Variants in SVOPL observed in about 807,000 individuals in gnomAD.
SVOPL encodes the protein putative transporter SVOPL.
In SVOPL, 60 loss-of-function variants were observed where a neutral mutation model predicts 61.0. That is an observed-to-expected ratio of 0.98 (90% CI 0.80 to 1.22). The LOEUF is 1.22. Ranked by LOEUF, SVOPL falls within the 50% of genes most tolerant of loss-of-function variation. The pLI is 0.00. For missense variants in SVOPL, 662 were observed against 643.9 expected (o/e 1.03, Z -0.30); for synonymous variants, 279 against 250.0 (o/e 1.12, Z -1.09).
intron 14 of SVOPL, among the ~76,000 whole-genome samples, chr7:138,618,869 T>G (rs1799424060): frequency 6.6e-6 from 1 of 151,906 alleles, no homozygotes. Flanking sequence ...AACTGAGAAT[T>G]ACAAGGAGTT....
intron 3 of SVOPL, among the ~76,000 whole-genome samples, chr7:138,673,971 G>A (rs572962525): frequency 1.3e-5 from 2 of 152,126 alleles, no homozygotes; most frequent in South Asian, 4.2e-4. Context: ...GATCACTTGA[G>A]GTCAGGAGTT....
rs201897995 is a variant in SVOPL, at chr7:138,627,367, G to A, written c.1164C>T (p.Leu388=). The change falls in exon 12 of 16, where the codon CTC becomes CTT. Residue 388 remains leucine (L), a synonymous_variant. Coordinates refer to ENST00000674285, the MANE Select transcript of SVOPL (RefSeq NM_001139456.2). The part of the protein sequence containing the change: ...MGCTALFFLL[L]NICTSSAGLI... ...GAAAATACCTTGAAGTGCAAATGTT[G>A]AGGAGAAGGAAGAATAAAGCCGTGC... The A allele has an allele frequency of 2.5e-6, 4 of 1,613,120 alleles. No individual in the cohort carries two copies. In the East Asian group the frequency reaches 6.7e-5, roughly 27 times the overall value.
chr7:138,687,402 AT>A (rs1019858248), intron 1 of SVOPL, among the ~76,000 whole-genome samples: 1 of 151,024 alleles, frequency 6.6e-6, no homozygotes, highest in African/African-American at 2.4e-5. Flanking sequence ...TGCCCAGCAA[AT>A]TTTTTTATTT....
chr7:138,693,510 A>G (rs1300510787), intron 1 of SVOPL, among the ~76,000 whole-genome samples: 3 of 148,920 alleles, frequency 2.0e-5, no homozygotes, highest in Admixed American at 6.8e-5. Context: ...AGGGAAGGAA[A>G]GAAAGAAGAA....
intron 14 of SVOPL, among the ~76,000 whole-genome samples, chr7:138,617,781 A>G (rs1799366447): frequency 6.6e-6 from 1 of 152,108 alleles, no homozygotes; most frequent in Admixed American, 6.6e-5. Context: ...GGCTGTAGTG[A>G]GCCCTGATCA....
rs575471163 is a variant in SVOPL, at chr7:138,671,880, A to C, written c.273+139T>G. 1.1e-3 allele frequency: 785 copies of C among 691,026 alleles called. 16 individuals carry two copies. In the South Asian group the frequency reaches 0.014, roughly 12 times the overall value. 42.8% of individuals were successfully genotyped at this position (691,026 alleles called of 1,614,324 possible). A position where few individuals can be genotyped will look rare whatever the true frequency, so the allele number is the denominator to read the frequency against. On this transcript the variant is annotated intron_variant, in intron 4 of 15. Coordinates refer to ENST00000674285, the MANE Select transcript of SVOPL (RefSeq NM_001139456.2). ...AAAAGAAAAAGGTGACGAAGACATC[A>C]AATGCTGCAAACCCTTGAGTTTTGG...
At chr7:138,664,391 C>T (rs1368504815) in intron 4 of SVOPL, among the ~76,000 whole-genome samples, 2 of 149,790 alleles carry the variant, frequency 1.3e-5, no homozygotes, top group East Asian at 4.0e-4. Flanking sequence ...CTCCATCGGG[C>T]ACGCCTCTGA....
chr7:138,689,428 T>G, intron 1 of SVOPL: 1 of 1,244,208 alleles, frequency 8.0e-7, no homozygotes, highest in Non-Finnish European at 1.2e-6. Flanking sequence ...GAGATGATCC[T>G]TACTGAAAAG....
At chr7:138,636,047 C>T (rs888204430) in intron 9 of SVOPL, among the ~76,000 whole-genome samples, 11 of 151,866 alleles carry the variant, frequency 7.2e-5, no homozygotes, top group Non-Finnish European at 1.3e-4. Context: ...GCCTCCCAAG[C>T]AGCTGGGAGT....
At chr7:138,619,619 A>G (rs1002760299) in intron 14 of SVOPL, among the ~76,000 whole-genome samples, 1 of 149,202 alleles carries the variant, frequency 6.7e-6, no homozygotes, top group Non-Finnish European at 1.5e-5. Flanking sequence ...AAACATTCCC[A>G]AGATAGTTTT....
At chr7:138,689,463 G>T in intron 1 of SVOPL, 1 of 1,001,874 alleles carries the variant, frequency 1.0e-6, no homozygotes, top group South Asian at 1.3e-5. Context: ...TAAACCAGAA[G>T]ACAAGGTTGC....
chr7:138,658,650 A>G (rs1388698592), intron 6 of SVOPL, among the ~76,000 whole-genome samples: 2 of 152,170 alleles, frequency 1.3e-5, no homozygotes, highest in Non-Finnish European at 1.5e-5. Flanking sequence ...CTCAAAAACA[A>G]TGACTAGCCT....
chr7:138,683,830 G>A (rs1442489702), intron 1 of SVOPL, among the ~76,000 whole-genome samples: 1 of 150,834 alleles, frequency 6.6e-6, no homozygotes, highest in Non-Finnish European at 1.5e-5. Flanking sequence ...GAGGCGGGCA[G>A]ATCACAAGAT....
intron 1 of SVOPL, among the ~76,000 whole-genome samples, chr7:138,682,658 T>C (rs949815634): frequency 6.6e-6 from 1 of 152,112 alleles, no homozygotes; most frequent in Non-Finnish European, 1.5e-5. Context: ...AAATCAACTA[T>C]AAAAAATTTA....
At chr7:138,639,736 C>A (rs1673171) in intron 9 of SVOPL, among the ~76,000 whole-genome samples, 106,339 of 151,572 alleles carry the variant, frequency 0.7, 38,518 homozygotes, top group Middle Eastern at 0.8. Context: ...CCCTGTTGTC[C>A]GGGCTACTAA....
At chr7:138,612,429 T>TAAAAAAAAAAAAAAAAAAAAAAAAAAAA (rs1799084478) in intron 14 of SVOPL, among the ~76,000 whole-genome samples, 1 of 78,146 alleles carries the variant, frequency 1.3e-5, no homozygotes, top group Non-Finnish European at 2.6e-5. Context: ...AAAAATAAAA[T>TAAAAAAAAAAAAAAAAAAAAAAAAAAAA]AAAAAATAAA....
At chr7:138,629,866 A>G (rs1261884434) in intron 10 of SVOPL, among the ~76,000 whole-genome samples, 183 bp downstream of exon 10, 1 of 152,202 alleles carries the variant, frequency 6.6e-6, no homozygotes, top group African/African-American at 2.4e-5. Flanking sequence ...CTGTCTATGT[A>G]TCCATTTACT....
intron 4 of SVOPL, among the ~76,000 whole-genome samples, chr7:138,670,735 C>T (rs1802393407): frequency 6.6e-6 from 1 of 152,184 alleles, no homozygotes; most frequent in African/African-American, 2.4e-5. Flanking sequence ...AATTCCTCCA[C>T]TTGATAAGTT....
chr7:138,628,450 G>T, intron 10 of SVOPL, 87 bp from the exon 11 acceptor site: 3 of 1,379,810 alleles, frequency 2.2e-6, no homozygotes, highest in Non-Finnish European at 3.0e-6. Context: ...GGAACGTGTA[G>T]CATGTGGAAA....
Sources: allele counts gnomAD v4.1 joint callset (sites outside exome capture counted in the v4.1 genomes callset), GRCh38; gene constraint gnomAD v4.1.1; transcripts MANE v1.5; gene names NCBI Gene and HGNC (gene_info 2026-07-23, HGNC 2026-07-21).